DCAF5: variants seen among roughly 807,000 people sequenced by gnomAD.
The protein encoded by DCAF5 is DDB1- and CUL4-associated factor 5.
In DCAF5, 9 loss-of-function variants were observed where a neutral mutation model predicts 80.7. The observed-to-expected ratio is 0.11, with a 90% CI of 0.07 to 0.19. The LOEUF (loss-of-function observed/expected upper bound fraction) is 0.19, where lower values mean the gene tolerates loss of function less well. Ranked by LOEUF, DCAF5 falls within the 10% of genes least tolerant of loss-of-function variation. DCAF5 has a pLI of 1.00. For missense variants in DCAF5, 842 were observed against 1,205.7 expected, an observed-to-expected ratio of 0.70 and a Z score of 4.47; for synonymous variants, 433 against 461.9, an observed-to-expected ratio of 0.94 and a Z score of 0.80.
chr14:69,116,617 C>T, intron 4 of DCAF5, 122 bp from the exon 5 acceptor site: 3 of 1,179,034 alleles, frequency 2.5e-6, no homozygotes, highest in Non-Finnish European at 3.6e-6. Context: ...CGGCCTGGAG[C>T]CCCAAAACAG....
At position 69,055,345 on chromosome 14, in the gene DCAF5, G is replaced by T. The variant is rs10134594; in HGVS notation, c.1341C>A (p.His447Gln). Residue 447 changes from histidine to glutamine, a missense_variant, in exon 9 of 9, where the codon CAC becomes CAA. His to Gln is a conservative substitution (Grantham distance 24). Coordinates refer to ENST00000341516, the MANE Select transcript of DCAF5 (RefSeq NM_003861.3). This position sits in a 1 kb window ranked among gnomAD's most constrained non-coding sequence, Gnocchi z 5.6. Reference protein sequence around the residue: ...DLSESTILQLHAGVSERSGYT... With the variant: ...DLSESTILQLQAGVSERSGYT... Reference sequence around the variant, plus strand: ...AGCCTGAGCGCTCGCTGACCCCAGCGTGCAGTTGGAGGATAGTACTCTCAC... The same window carrying T: ...AGCCTGAGCGCTCGCTGACCCCAGCTTGCAGTTGGAGGATAGTACTCTCAC... The T allele has an allele frequency of 6.2e-7, 1 of 1,613,974 alleles. No individual in the cohort carries two copies. Among genetic ancestry groups the T allele is most frequent in the African/African-American group, 1.3e-5 (1 of 74,882 alleles).
rs117679351 is a variant in DCAF5 at position 69,058,703 on chromosome 14, C to T, written c.1075-3092G>A. On this transcript the variant is annotated intron_variant, in intron 8 of 8. Transcript: ENST00000341516. ...CAATCTGGACAACATGGCAAAACCC[C>T]GTCTCTACAAAATACAAAAATTAGC... 2.0e-5 allele frequency among the ~76,000 whole-genome samples: 3 copies of T among 151,580 alleles called. No individual in the cohort carries two copies. In the East Asian group the frequency reaches 5.8e-4, roughly 30 times the overall value.
rs1193827799 is a variant in DCAF5, at chr14:69,053,561, CAA to C, written c.*294_*295del. 2 of 325,450 alleles carry C rather than the reference CAA, an allele frequency of 6.1e-6. No individual in the cohort carries two copies. Among genetic ancestry groups the C allele is most frequent in the African/African-American group, 4.4e-5 (2 of 45,828 alleles). The allele number at this position is 325,450 out of a possible 1,614,324, so 20.2% of individuals were successfully genotyped here. ...CACAAGAACAAGTCGAACGTCTCAA[CAA>C]AGATTTACTTCCACAGAGCCTTGCG... is the stretch of plus-strand genomic sequence containing the variant. On this transcript the variant is annotated 3_prime_UTR_variant, in exon 9 of 9. Coordinates refer to ENST00000341516, the MANE Select transcript of DCAF5 (RefSeq NM_003861.3).
At chr14:69,121,880 C>A (rs1892297) in intron 2 of DCAF5, among the ~76,000 whole-genome samples, 1 of 151,860 alleles carries the variant, frequency 6.6e-6, no homozygotes, top group Non-Finnish European at 1.5e-5. Flanking sequence ...TAAAAAAAAA[C>A]CAGAGTGTGC....
At chr14:69,091,106 C>A (rs1217129843) in intron 6 of DCAF5, 2 of 757,688 alleles carry the variant, frequency 2.6e-6, no homozygotes, top group Non-Finnish European at 4.8e-6. Flanking sequence ...TGGTGAGACT[C>A]AGAAAAGGCT....
intron 6 of DCAF5, chr14:69,090,921 A>C (rs2139966050): frequency 1.8e-6 from 1 of 560,376 alleles, no homozygotes; most frequent in Non-Finnish European, 3.2e-6. Context: ...TTATTTGATC[A>C]GTCTTTCCTT....
chr14:69,095,303 T>C (rs1479783251), intron 5 of DCAF5, among the ~76,000 whole-genome samples: 1 of 152,184 alleles, frequency 6.6e-6, no homozygotes, highest in African/African-American at 2.4e-5. Flanking sequence ...TTGAAAGAAC[T>C]AGTAAAACAT....
At chr14:69,095,556 C>A (rs563131666) in intron 5 of DCAF5, among the ~76,000 whole-genome samples, 35 of 152,018 alleles carry the variant, frequency 2.3e-4, no homozygotes, top group African/African-American at 8.4e-4. Context: ...TAAGTACACA[C>A]ACACACACAA....
chr14:69,147,953 A>G (rs2041588409), intron 1 of DCAF5, among the ~76,000 whole-genome samples: 1 of 152,110 alleles, frequency 6.6e-6, no homozygotes, highest in Admixed American at 6.5e-5. Flanking sequence ...CAAAGAGCCA[A>G]ATCTTTGTTT....
intron 1 of DCAF5, among the ~76,000 whole-genome samples, chr14:69,124,483 A>C (rs2040817823): frequency 6.6e-6 from 1 of 152,148 alleles, no homozygotes; most frequent in African/African-American, 2.4e-5. Flanking sequence ...TTGCTACTTG[A>C]ATTCCTTTGT....
chr14:69,142,902 G>C (rs2041419012), intron 1 of DCAF5, among the ~76,000 whole-genome samples: 1 of 152,206 alleles, frequency 6.6e-6, no homozygotes, highest in East Asian at 1.9e-4. Flanking sequence ...ACAGACAAGA[G>C]AAACCAACTT....
intron 6 of DCAF5, among the ~76,000 whole-genome samples, chr14:69,076,722 T>G (rs1426955250): frequency 6.6e-6 from 1 of 152,226 alleles, no homozygotes; most frequent in African/African-American, 2.4e-5. Context: ...CACAGCAATG[T>G]GATTGTACTT....
In DCAF5 at chr14:69,062,502, C is replaced by T. The variant is rs1401837577; in HGVS notation, c.956G>A (p.Gly319Asp). 6.2e-7 allele frequency: 1 copy of T among 1,611,896 alleles called. No homozygotes were observed. The highest frequency in any genetic ancestry group is 8.5e-7 in the Non-Finnish European group (1 of 1,178,812). ...CATGAAGGCTCCGTTGACCACCCTA[C>T]CAATGCCACCTGGGAAAACAGAAGG... ...IPADPEAGGIGRVVNGAFMVL... is the reference protein window; with the variant it reads ...IPADPEAGGIDRVVNGAFMVL... Residue 319 changes from glycine to aspartate, a missense_variant, in exon 8 of 9, where the codon GGT becomes GAT. Physicochemically the swap from Gly to Asp is moderately conservative, Grantham distance 94. This residue lies in a region of DCAF5 where 65 missense variants were observed against 191.3 expected (regional missense o/e 0.34). Coordinates refer to ENST00000341516, the MANE Select transcript of DCAF5 (RefSeq NM_003861.3).
intron 6 of DCAF5, among the ~76,000 whole-genome samples, chr14:69,081,913 T>C (rs1351005744): frequency 6.6e-6 from 1 of 152,196 alleles, no homozygotes; most frequent in African/African-American, 2.4e-5. Flanking sequence ...CCATAGTAAT[T>C]GATTAATGAT....
rs544071684 is a variant in DCAF5 at position 69,148,505 on chromosome 14, G to A, written c.214+4260C>T. Among the ~76,000 whole-genome samples the A allele has an allele frequency of 1.8e-4, 28 of 152,234 alleles. No homozygotes were observed. In the East Asian group the frequency reaches 5.4e-3, roughly 29 times the overall value. On this transcript the variant is annotated intron_variant, in intron 1 of 8. Coordinates refer to ENST00000341516, the MANE Select transcript of DCAF5 (RefSeq NM_003861.3). ...AGGTCAGGAGTTTGAGACCAGCCTGGCCAACATGGTGAAACCCCGTTTCTA... is the reference window on the plus strand; with the variant it reads ...AGGTCAGGAGTTTGAGACCAGCCTGACCAACATGGTGAAACCCCGTTTCTA...
intron 5 of DCAF5, among the ~76,000 whole-genome samples, chr14:69,104,621 C>T (rs1029176868): frequency 2.0e-5 from 3 of 151,856 alleles, no homozygotes; most frequent in East Asian, 1.9e-4. Flanking sequence ...TTTGGGAGGC[C>T]GAGGTGGGTG....
chr14:69,079,147 TTATC>T (rs1444099836), intron 6 of DCAF5, among the ~76,000 whole-genome samples: 3 of 152,188 alleles, frequency 2.0e-5, no homozygotes, highest in Non-Finnish European at 4.4e-5. Flanking sequence ...CCCAGTGGTC[TTATC>T]AGGGGTTTTA....
intron 1 of DCAF5, among the ~76,000 whole-genome samples, chr14:69,138,248 G>A (rs1334908221): frequency 6.6e-6 from 1 of 152,160 alleles, no homozygotes; most frequent in East Asian, 1.9e-4. Flanking sequence ...ATTCAGCATG[G>A]GGGAAGTTGT....
intron 1 of DCAF5, among the ~76,000 whole-genome samples, chr14:69,143,367 G>A (rs1020843765): frequency 3.9e-5 from 6 of 152,108 alleles, no homozygotes; most frequent in Non-Finnish European, 7.4e-5. Context: ...AACCATGGGA[G>A]CTTTCATAAG....
Sources: gnomAD v4.1 joint callset for allele counts (sites outside exome capture counted in the v4.1 genomes callset) on GRCh38, gnomAD v4.1.1 for gene constraint, gnomAD v4.1.1 regional missense constraint, Gnocchi (gnomAD v3.1) non-coding constraint, MANE v1.5 for transcripts, NCBI Gene and HGNC (gene_info 2026-07-23, HGNC 2026-07-21) for gene names.